SLC4A3: variants seen among roughly 807,000 people sequenced by gnomAD.
SLC4A3 encodes the protein anion exchange protein 3.
SLC4A3 carries 47 observed loss-of-function variants against 114.2 expected under a neutral mutation model. The observed-to-expected ratio is 0.41, with a 90% confidence interval of 0.33 to 0.52. The LOEUF (loss-of-function observed/expected upper bound fraction) is 0.52. Among genes scored for constraint, SLC4A3 ranks in the 20% least tolerant of loss-of-function variants. The pLI, the probability that SLC4A3 is intolerant of heterozygous loss-of-function variation, is 0.21. For missense variants in SLC4A3, 1,312 were observed against 1,668.3 expected (o/e 0.79, Z 3.72); for synonymous variants, 693 against 710.3 (o/e 0.98, Z 0.39).
At chr2:219,629,535 A>G in intron 4 of SLC4A3, 45 bp from the exon 5 acceptor site, 1 of 1,583,464 alleles carries the variant, frequency 6.3e-7, no homozygotes, top group South Asian at 1.1e-5. Flanking sequence ...TGGGGGCTGT[A>G]TGGTAGGTCG....
At chr2:219,633,077 C>T in intron 9 of SLC4A3, 68 bp downstream of exon 9, 1 of 1,571,656 alleles carries the variant, frequency 6.4e-7, no homozygotes, top group South Asian at 1.1e-5. Context: ...CATCCTCTTC[C>T]AAGTGGCTCC....
chr2:219,628,996 G>A lies in SLC4A3; in HGVS notation c.218-148G>A. The A allele has an allele frequency of 2.1e-6, 2 of 939,644 alleles. No individual in the cohort carries two copies. Among genetic ancestry groups the A allele is most frequent in the Non-Finnish European group, 3.1e-6 (2 of 652,094 alleles). 58.2% of individuals were successfully genotyped at this position (939,644 alleles called of 1,614,324 possible). On this transcript the variant is annotated intron_variant, in intron 3 of 22. Transcript: ENST00000358055. The surrounding 1 kb of genome is among the most constrained non-coding windows in gnomAD (Gnocchi z 4.8). ...ACCAGACCTCATCAATGACAGGCACGTGGACACAGGTGTTGGGGGGTCATG... is the reference window on the plus strand; with the variant it reads ...ACCAGACCTCATCAATGACAGGCACATGGACACAGGTGTTGGGGGGTCATG...
chr2:219,629,025 C>G, intron 3 of SLC4A3, 119 bp from the exon 4 acceptor site: 2 of 1,254,354 alleles, frequency 1.6e-6, no homozygotes, highest in Non-Finnish European at 2.1e-6. Context: ...GGTCATGGCC[C>G]TGGAGGAAGG....
rs141478272 is a variant in SLC4A3 at position 219,632,039 on chromosome 2, A to G, written c.883A>G (p.Arg295Gly). ...AAAGCCCTCCCGGACGCAGGGCGGG[A>G]GGGGCAGTCCCAGCGGCCTGGCCCC... ...VKKPSRTQGG[R>G]GSPSGLAPIL... is the part of the protein sequence containing the mutation. Residue 295 changes from arginine to glycine, a missense_variant, in exon 7 of 23, where the codon AGG becomes GGG. Transcript: ENST00000358055. 1 of 1,613,836 alleles carries G rather than the reference A, an allele frequency of 6.2e-7. No homozygotes were observed. The highest frequency in any genetic ancestry group is 1.3e-5 in the African/African-American group (1 of 75,008).
In SLC4A3 at chr2:219,636,976, G is replaced by C; in HGVS notation, c.2535+102G>C. On this transcript the variant is annotated intron_variant, in intron 16 of 22. Transcript: ENST00000358055. This position sits in a 1 kb window ranked among gnomAD's most constrained non-coding sequence, Gnocchi z 5.5. The stretch of plus-strand genomic sequence containing the variant: ...GAGGTATGGAGAACTAGGGGACAAG[G>C]AGAGGGACTGTGTTGGGAGTGAGGG... 1 of 1,050,280 alleles carries C rather than the reference G, an allele frequency of 9.5e-7. No individual in the cohort carries two copies. Among genetic ancestry groups the C allele is most frequent in the African/African-American group, 1.6e-5 (1 of 63,774 alleles). 65.1% of individuals were successfully genotyped at this position (1,050,280 alleles called of 1,614,324 possible).
chr2:219,631,843 C>T lies in SLC4A3; in HGVS notation c.812-125C>T, dbSNP rs563241462. The stretch of plus-strand genomic sequence containing the variant: ...TGGCCACATGGGATTATGTGGTTCC[C>T]GTCGGCATGGCCTGTTGGTGACTGT... On this transcript the variant is annotated intron_variant, in intron 6 of 22. Coordinates refer to ENST00000358055, the MANE Select transcript of SLC4A3 (RefSeq NM_005070.4). The surrounding 1 kb of genome is among the most constrained non-coding windows in gnomAD (Gnocchi z 6.3). 2.3e-4 allele frequency: 244 copies of T among 1,060,826 alleles called. 1 individual carries two copies. Among genetic ancestry groups the T allele is most frequent in the Non-Finnish European group, 3.1e-4 (226 of 726,010 alleles). The allele number at this position is 1,060,826 out of a possible 1,614,324, so 65.7% of individuals were successfully genotyped here.
rs138146902 is a variant in SLC4A3 at position 219,641,198 on chromosome 2, G to A, written c.3621+236G>A. Among the ~76,000 whole-genome samples the A allele has an allele frequency of 6.6e-6, 1 of 152,278 alleles. No individual in the cohort carries two copies. The highest frequency in any genetic ancestry group is 2.4e-5 in the African/African-American group (1 of 41,540). ...TCCAGGTAAAGGCCTTAGGATGGTG[G>A]TTTTGTAAGGGAGTTGGCACGGGGC... On this transcript the variant is annotated intron_variant, in intron 22 of 22. Coordinates refer to ENST00000358055, the MANE Select transcript of SLC4A3 (RefSeq NM_005070.4). This position sits in a 1 kb window ranked among gnomAD's most constrained non-coding sequence, Gnocchi z 4.0.
chr2:219,636,028 CT>C lies in SLC4A3; in HGVS notation c.2191+139del. 1.3e-6 allele frequency: 1 copy of C among 752,260 alleles called. No homozygotes were observed. The highest frequency in any genetic ancestry group is 1.9e-5 in the South Asian group (1 of 53,114). 46.6% of individuals were successfully genotyped at this position (752,260 alleles called of 1,614,324 possible). A position where few individuals can be genotyped will look rare whatever the true frequency, so the allele number is the denominator to read the frequency against. ...GATGTGCTAGCAAAGGTGTAAGCAC[CT>C]TACAGAGATGCTGGATCAGGGAATC... is the stretch of plus-strand genomic sequence containing the variant. On this transcript the variant is annotated intron_variant, in intron 14 of 22. Coordinates refer to ENST00000358055, the MANE Select transcript of SLC4A3 (RefSeq NM_005070.4). This position sits in a 1 kb window ranked among gnomAD's most constrained non-coding sequence, Gnocchi z 5.5.
chr2:219,628,064 C>A lies in SLC4A3; in HGVS notation c.51+21C>A. The A allele has an allele frequency of 6.6e-7, 1 of 1,526,498 alleles. No homozygotes were observed. Among genetic ancestry groups the A allele is most frequent in the Non-Finnish European group, 8.8e-7 (1 of 1,134,682 alleles). The allele number at this position is 1,526,498 out of a possible 1,614,324, so 94.6% of individuals were successfully genotyped here. ...CCCAGGTGATCGGCGCGCGCGGGGGCGGGGGAGAGATGGGGGAGGAGAGGG... is the reference window on the plus strand; with the variant it reads ...CCCAGGTGATCGGCGCGCGCGGGGGAGGGGGAGAGATGGGGGAGGAGAGGG... On this transcript the variant is annotated intron_variant, in intron 2 of 22. Coordinates refer to ENST00000358055, the MANE Select transcript of SLC4A3 (RefSeq NM_005070.4). This position sits in a 1 kb window ranked among gnomAD's most constrained non-coding sequence, Gnocchi z 4.8.
rs924826268 is a variant in SLC4A3 at position 219,638,881 on chromosome 2, GGGA to G, written c.3023+21_3023+23del. The G allele has an allele frequency of 2.5e-6, 4 of 1,611,826 alleles. No homozygotes were observed. The highest frequency in any genetic ancestry group is 1.3e-5 in the African/African-American group (1 of 74,918). On this transcript the variant is annotated intron_variant, in intron 19 of 22. Coordinates refer to ENST00000358055, the MANE Select transcript of SLC4A3 (RefSeq NM_005070.4). This position sits in a 1 kb window ranked among gnomAD's most constrained non-coding sequence, Gnocchi z 7.5. ...ACACAGATCACGGCGTGAGAGAGAT[GGGA>G]GGAGGAGGTGGGAGGGACGAGGCCA...
rs760972612 is a variant in SLC4A3 at position 219,637,690 on chromosome 2, G to GC, written c.2652dup (p.Ser885GlnfsTer83). On this transcript the variant is annotated frameshift_variant, in exon 17 of 23. Transcript: ENST00000358055. LOFTEE classifies it high-confidence loss of function. This position sits in a 1 kb window ranked among gnomAD's most constrained non-coding sequence, Gnocchi z 4.6. ...GGCAGTGCCCTGCCCCCCACCGAGG[G>GC]CCCCCCCAGCCCGAGGAACCAGCCC... The GC allele has an allele frequency of 2.0e-5, 32 of 1,612,182 alleles. No individual in the cohort carries two copies. The highest frequency in any genetic ancestry group is 1.6e-4 in the Middle Eastern group (1 of 6,076).
In SLC4A3 at chr2:219,629,691, A is replaced by G. The variant is rs765279283; in HGVS notation, c.607A>G (p.Ser203Gly). 3.1e-6 allele frequency: 5 copies of G among 1,607,390 alleles called. No homozygotes were observed. The highest frequency in any genetic ancestry group is 4.3e-6 in the Non-Finnish European group (5 of 1,175,376). ...CACTGACAAGAGCCCCCAGCACTCC[A>G]GCAGGTACTGGCTGCAGCCTCTACT... Reference protein sequence around the residue: ...PHTDKSPQHSSSSPSPRARAS... With the variant: ...PHTDKSPQHSGSSPSPRARAS... The change falls in exon 5 of 23, where the codon AGC (serine) becomes GGC (glycine). Residue 203 changes from serine (S) to glycine (G), a missense_variant. By Grantham distance (56) the Ser-to-Gly change is moderately conservative. Coordinates refer to ENST00000358055, the MANE Select transcript of SLC4A3 (RefSeq NM_005070.4).
At position 219,638,342 on chromosome 2, in the gene SLC4A3, G is replaced by A; in HGVS notation, c.2856+89G>A. ...ACACTTCCATGGGCCCTGGGATTGG[G>A]ATCAGGCCTGAACTCAACTTTCCCA... On this transcript the variant is annotated intron_variant, in intron 18 of 22. Transcript: ENST00000358055. The surrounding 1 kb of genome is among the most constrained non-coding windows in gnomAD (Gnocchi z 7.5). The A allele has an allele frequency of 9.2e-7, 1 of 1,081,872 alleles. No homozygotes were observed. The highest frequency in any genetic ancestry group is 2.0e-5 in the Admixed American group (1 of 50,514). 67.0% of individuals were successfully genotyped at this position (1,081,872 alleles called of 1,614,324 possible). A position where few individuals can be genotyped will look rare whatever the true frequency, so the allele number is the denominator to read the frequency against.
At chr2:219,634,375 A>G in intron 11 of SLC4A3, 45 bp from the exon 12 acceptor site, 1 of 1,601,034 alleles carries the variant, frequency 6.2e-7, no homozygotes, top group Non-Finnish European at 8.5e-7. Flanking sequence ...GCCTGCCTTG[A>G]CTGCTTCTCT....
In SLC4A3 at chr2:219,632,268, G is replaced by A. The variant is rs1259103817; in HGVS notation, c.967G>A (p.Val323Met). The change falls in exon 8 of 23, where the codon GTG becomes ATG. Residue 323 changes from valine (V) to methionine (M), a missense_variant. Physicochemically the swap from Val to Met is conservative, Grantham distance 21. Around this residue, in one of 4 missense-constraint regions of SLC4A3, gnomAD observed 771 missense variants for 977.7 expected, o/e 0.79. Coordinates refer to ENST00000358055, the MANE Select transcript of SLC4A3 (RefSeq NM_005070.4). ...KLDRRPHEVF[V>M]ELNELMLDRS... ...CCTTTGGCACGCCCCCCAGGTGTTC[G>A]TGGAGCTGAACGAGCTGATGCTGGA... 10 of 1,613,868 alleles carry A rather than the reference G, an allele frequency of 6.2e-6. No homozygotes were observed. Among genetic ancestry groups the A allele is most frequent in the Non-Finnish European group, 7.6e-6 (9 of 1,180,020 alleles).
In SLC4A3 at chr2:219,628,677, C is replaced by A. The variant is rs969292394; in HGVS notation, c.217+107C>A. On this transcript the variant is annotated intron_variant, in intron 3 of 22. Transcript: ENST00000358055. This position sits in a 1 kb window ranked among gnomAD's most constrained non-coding sequence, Gnocchi z 4.8. ...TTGGTCACCCAGTGCCATCCTGTGC[C>A]GGACACTGTGCTGGACTCTGTGCTG... 2 of 1,152,912 alleles carry A rather than the reference C, an allele frequency of 1.7e-6. No homozygotes were observed. The highest frequency in any genetic ancestry group is 2.2e-5 in the Admixed American group (1 of 44,952). The allele number at this position is 1,152,912 out of a possible 1,614,324, so 71.4% of individuals were successfully genotyped here.
intron 10 of SLC4A3, 124 bp downstream of exon 10, chr2:219,633,581 G>A (rs1187070574): frequency 2.1e-6 from 2 of 963,704 alleles, no homozygotes; most frequent in Non-Finnish European, 2.9e-6. Flanking sequence ...CTGGGCATTC[G>A]GGGACCTAGA....
Position 219,635,349 on chromosome 2 carries a change from A to G in SLC4A3, c.1825A>G (p.Ile609Val). Residue 609 changes from isoleucine to valine, a missense_variant, in exon 13 of 23, where the codon ATT becomes GTT. Physicochemically the swap from Ile to Val is conservative, Grantham distance 29. Around this residue, in one of 4 missense-constraint regions of SLC4A3, gnomAD observed 771 missense variants for 977.7 expected, o/e 0.79. Transcript: ENST00000358055. ...CATCAGCGAGTTCCTGGATGGCAGC[A>G]TTGTGATCCCCCCGTCCGAGGTGGA... ...SAISEFLDGS[I>V]VIPPSEVEGR... 1 of 1,614,160 alleles carries G rather than the reference A, an allele frequency of 6.2e-7. No individual in the cohort carries two copies. Among genetic ancestry groups the G allele is most frequent in the Non-Finnish European group, 8.5e-7 (1 of 1,180,018 alleles).
In SLC4A3 at chr2:219,629,530, G is replaced by T. The variant is rs776074871; in HGVS notation, c.496-50G>T. On this transcript the variant is annotated intron_variant, in intron 4 of 22. Transcript: ENST00000358055. ...TGTGTGAGGCTGGGTAGGGTTGGGG[G>T]CTGTATGGTAGGTCGGGGCAAGGCC... 3 of 1,583,420 alleles carry T rather than the reference G, an allele frequency of 1.9e-6. No homozygotes were observed. The African/African-American group carries it at 4.0e-5, about 21-fold the overall frequency.
Sources: gnomAD v4.1 joint callset for allele counts (sites outside exome capture counted in the v4.1 genomes callset) on GRCh38, gnomAD v4.1.1 for gene constraint, gnomAD v4.1.1 regional missense constraint, Gnocchi (gnomAD v3.1) non-coding constraint, MANE v1.5 for transcripts, NCBI Gene and HGNC (gene_info 2026-07-23, HGNC 2026-07-21) for gene names.